Variants in CDC42SE2 observed in about 807,000 individuals in gnomAD.
CDC42SE2 encodes CDC42 small effector 2.
Under a neutral mutation model 11.5 loss-of-function variants are expected in CDC42SE2, and 3 were observed. The ratio of observed to expected loss-of-function variants is 0.26; its 90% confidence interval spans 0.12 to 0.67. The LOEUF (loss-of-function observed/expected upper bound fraction) is 0.67, where lower values mean the gene tolerates loss of function less well. Among genes scored for constraint, CDC42SE2 ranks in the 30% least tolerant of loss-of-function variants. CDC42SE2 has a pLI of 0.80. For missense variants in CDC42SE2, 82 were observed against 106.8 expected, an observed-to-expected ratio of 0.77 and a Z score of 1.02; for synonymous variants, 33 against 34.8, an observed-to-expected ratio of 0.95 and a Z score of 0.18.
chr5:131,334,603 T>C (rs1758508436), intron 2 of CDC42SE2, among the ~76,000 whole-genome samples: 1 of 152,354 alleles, frequency 6.6e-6, no homozygotes, highest in South Asian at 2.1e-4. Context: ...CCTGGACTTT[T>C]TTTGGTTGGT....
At chr5:131,322,426 T>C (rs1758211720) in intron 2 of CDC42SE2, among the ~76,000 whole-genome samples, 1 of 152,232 alleles carries the variant, frequency 6.6e-6, no homozygotes, top group Non-Finnish European at 1.5e-5. Flanking sequence ...GTATTTATGT[T>C]TTTGTGACTG....
chr5:131,365,854 T>A (rs13187488), intron 3 of CDC42SE2, among the ~76,000 whole-genome samples: 1 of 151,964 alleles, frequency 6.6e-6, no homozygotes, highest in Non-Finnish European at 1.5e-5. Flanking sequence ...TGGTGGCGGG[T>A]GCCTGTAGTC....
chr5:131,327,945 G>A (rs1758330391), intron 2 of CDC42SE2, among the ~76,000 whole-genome samples: 2 of 152,146 alleles, frequency 1.3e-5, no homozygotes, highest in African/African-American at 4.8e-5. Context: ...AACCAGAAGT[G>A]TATTGGCTCA....
chr5:131,361,073 G>GTT (rs575227658), intron 3 of CDC42SE2, among the ~76,000 whole-genome samples: 4 of 126,028 alleles, frequency 3.2e-5, no homozygotes, highest in Admixed American at 7.7e-5. Flanking sequence ...TTGTTTGTTT[G>GTT]TTTTTTTTTT....
At chr5:131,221,158 T>A in the CDC42SE2 span, among the ~76,000 whole-genome samples, 1 of 152,116 alleles carries the variant, frequency 6.6e-6, no homozygotes, top group Non-Finnish European at 1.5e-5. Flanking sequence ...AGTGCTAAGA[T>A]TACAGACGCC....
intron 1 of CDC42SE2, among the ~76,000 whole-genome samples, chr5:131,296,671 A>T (rs1299568638): frequency 6.6e-6 from 1 of 152,182 alleles, no homozygotes; most frequent in Non-Finnish European, 1.5e-5. Flanking sequence ...CATTTTAACT[A>T]GTAACATCTG....
intron 3 of CDC42SE2, among the ~76,000 whole-genome samples, chr5:131,374,419 T>C (rs899552334): frequency 6.6e-6 from 1 of 151,086 alleles, no homozygotes; most frequent in African/African-American, 2.4e-5. Context: ...TAATCCCAGC[T>C]ACTTGGGAGG....
upstream of CDC42SE2, among the ~76,000 whole-genome samples, chr5:131,261,892 T>A (rs1412236824): frequency 1.3e-5 from 2 of 148,282 alleles, no homozygotes; most frequent in Non-Finnish European, 1.5e-5. Flanking sequence ...TTCAACTGAA[T>A]GGCATTGTGT....
chr5:131,301,477 G>C (rs1293005552), intron 1 of CDC42SE2, among the ~76,000 whole-genome samples: 1 of 151,962 alleles, frequency 6.6e-6, no homozygotes, highest in African/African-American at 2.4e-5. Context: ...AATTTTAAAA[G>C]GGCTGGGTGC....
At chr5:131,346,681 C>T (rs1281185193) in intron 2 of CDC42SE2, among the ~76,000 whole-genome samples, 1 of 152,176 alleles carries the variant, frequency 6.6e-6, no homozygotes, top group East Asian at 1.9e-4. Flanking sequence ...ACTCTCCACC[C>T]CAAATCAACA....
upstream of CDC42SE2, among the ~76,000 whole-genome samples, chr5:131,261,799 G>A (rs1486110584): frequency 3.3e-5 from 5 of 149,898 alleles, no homozygotes; most frequent in South Asian, 4.2e-4. Context: ...GCAGAGAGCC[G>A]AGATAGCACA....
At chr5:131,351,132 AGACGG>A (rs1191115871) in intron 2 of CDC42SE2, among the ~76,000 whole-genome samples, 1 of 151,822 alleles carries the variant, frequency 6.6e-6, no homozygotes, top group East Asian at 1.9e-4. Context: ...GTTTTTGTAG[AGACGG>A]GACTTTGCTG....
the CDC42SE2 span, among the ~76,000 whole-genome samples, chr5:131,237,413 A>T: frequency 6.6e-6 from 1 of 152,094 alleles, no homozygotes; most frequent in East Asian, 1.9e-4. Context: ...TTTTCAGTGA[A>T]ATTGTTCTTC....
chr5:131,314,454 T>A (rs775679323), intron 1 of CDC42SE2, among the ~76,000 whole-genome samples: 56 of 152,130 alleles, frequency 3.7e-4, no homozygotes, highest in Admixed American at 6.5e-5. Context: ...TTTCCCAGGC[T>A]GGTCTTAAAA....
intron 2 of CDC42SE2, among the ~76,000 whole-genome samples, chr5:131,338,279 C>T (rs192647871): frequency 6.6e-6 from 1 of 152,192 alleles, no homozygotes; most frequent in African/African-American, 2.4e-5. Context: ...CCCTTCGTAG[C>T]ATGTCATCAG....
chr5:131,316,907 G>C (rs1758053056), intron 2 of CDC42SE2, among the ~76,000 whole-genome samples: 1 of 152,092 alleles, frequency 6.6e-6, no homozygotes. Context: ...TCAAAGCCAT[G>C]TTTTTTAGTG....
At chr5:131,350,633 GTGTGTA>G (rs1370007521) in intron 2 of CDC42SE2, among the ~76,000 whole-genome samples, 1 of 140,098 alleles carries the variant, frequency 7.1e-6, no homozygotes, top group African/African-American at 3.0e-5. Flanking sequence ...GTGTGTGTGT[GTGTGTA>G]TATATATATG....
At chr5:131,238,031 A>AC in the CDC42SE2 span, among the ~76,000 whole-genome samples, 152,239 of 152,240 alleles carry the variant, frequency 1, 76,119 homozygotes, top group Middle Eastern at 1. Flanking sequence ...CTCTTTGTGA[A>AC]CCACTATCAG....
At chr5:131,340,814 A>T (rs1758694582) in intron 2 of CDC42SE2, among the ~76,000 whole-genome samples, 1 of 152,050 alleles carries the variant, frequency 6.6e-6, no homozygotes, top group Non-Finnish European at 1.5e-5. Flanking sequence ...AATAGCTGGA[A>T]TTACAGGCAT....
Sources: allele counts gnomAD v4.1 joint callset (sites outside exome capture counted in the v4.1 genomes callset), GRCh38; gene constraint gnomAD v4.1.1; transcripts MANE v1.5; gene names NCBI Gene and HGNC (gene_info 2026-07-23, HGNC 2026-07-21).